The following CACNA2D3 variants were observed in gnomAD, a reference collection of about 807,000 sequenced individuals.
CACNA2D3 encodes the protein calcium voltage-gated channel auxiliary subunit alpha2delta 3, also known as voltage-dependent calcium channel subunit alpha-2/delta-3.
Under a neutral mutation model 160.6 loss-of-function variants are expected in CACNA2D3, and 60 were observed. The ratio of observed to expected loss-of-function variants is 0.37; its 90% CI spans 0.30 to 0.46. The LOEUF is 0.46. Ranked by LOEUF, CACNA2D3 falls within the 20% of genes least tolerant of loss-of-function variation. The pLI, the probability that CACNA2D3 is intolerant of heterozygous loss-of-function variation, is 1.00. For missense variants in CACNA2D3, 1,205 were observed against 1,365.0 expected (o/e 0.88, Z 1.85); for synonymous variants, 558 against 492.9 (o/e 1.13, Z -1.75).
chr3:54,555,202 G>A (rs1702224713), intron 5 of CACNA2D3, among the ~76,000 whole-genome samples: 1 of 152,100 alleles, frequency 6.6e-6, no homozygotes, highest in South Asian at 2.1e-4. Context: ...ATTTTCTAAT[G>A]AATGGAGTAA....
intron 35 of CACNA2D3, among the ~76,000 whole-genome samples, chr3:55,055,060 T>C (rs373510890): frequency 6.3e-4 from 96 of 152,202 alleles, no homozygotes; most frequent in African/African-American, 2.3e-3. Context: ...CTTTTAGAGT[T>C]TAAACAAGTC....
At chr3:54,535,504 G>T (rs1020799236) in intron 5 of CACNA2D3, among the ~76,000 whole-genome samples, 2 of 152,114 alleles carry the variant, frequency 1.3e-5, no homozygotes, top group African/African-American at 4.8e-5. Flanking sequence ...TTTGGACTTT[G>T]TGAGGATTCA....
chr3:54,952,485 T>C (rs1247320628), intron 27 of CACNA2D3, among the ~76,000 whole-genome samples: 2 of 152,200 alleles, frequency 1.3e-5, no homozygotes, highest in South Asian at 2.1e-4. Flanking sequence ...AAATAAAACA[T>C]GAGGCAAAAA....
At chr3:54,279,766 C>T (rs906860591) in intron 2 of CACNA2D3, among the ~76,000 whole-genome samples, 2 of 152,108 alleles carry the variant, frequency 1.3e-5, no homozygotes, top group Admixed American at 6.5e-5. Context: ...GTTCTCAAAA[C>T]GAGAATGGAG....
At chr3:54,679,529 T>C (rs939516190) in intron 11 of CACNA2D3, among the ~76,000 whole-genome samples, 2 of 152,178 alleles carry the variant, frequency 1.3e-5, no homozygotes, top group African/African-American at 2.4e-5. Context: ...GTTTTCCAGA[T>C]TGTGGTAGGC....
intron 3 of CACNA2D3, among the ~76,000 whole-genome samples, chr3:54,384,961 T>TC (rs1439109885): frequency 6.6e-6 from 1 of 152,148 alleles, no homozygotes; most frequent in Admixed American, 6.5e-5. Context: ...CCTCAGGTGA[T>TC]CTGCCCGCCT....
At chr3:54,298,715 G>T (rs1703397250) in intron 2 of CACNA2D3, among the ~76,000 whole-genome samples, 1 of 152,076 alleles carries the variant, frequency 6.6e-6, no homozygotes, top group African/African-American at 2.4e-5. Context: ...CTGAGGTGGG[G>T]GGAATTACCC....
chr3:54,790,112 G>C lies in CACNA2D3; in HGVS notation c.1380+25761G>C, dbSNP rs556418260. On this transcript the variant is annotated intron_variant, in intron 13 of 37. Transcript: ENST00000474759. ...TGTACTAGGGTAGTTAGGAACACAG[G>C]CCCTGGAGCCAGAGGACCCGGTTTC... Among the ~76,000 whole-genome samples the C allele has an allele frequency of 7.9e-5, 12 of 152,282 alleles. 1 individual carries two copies. In the South Asian group the frequency reaches 2.5e-3, roughly 32 times the overall value.
chr3:54,626,608 A>G, intron 9 of CACNA2D3: 1 of 1,429,178 alleles, frequency 7.0e-7, no homozygotes, highest in Non-Finnish European at 9.7e-7. Flanking sequence ...CGGGCCCGGC[A>G]TCGGGGCCAG....
At chr3:54,370,465 A>G (rs968280611) in intron 3 of CACNA2D3, among the ~76,000 whole-genome samples, 2 of 152,222 alleles carry the variant, frequency 1.3e-5, no homozygotes, top group Non-Finnish European at 2.9e-5. Context: ...AATCCAATCC[A>G]TATATAAGGA....
chr3:54,258,859 C>T (rs1405066844), intron 2 of CACNA2D3, among the ~76,000 whole-genome samples: 1 of 152,088 alleles, frequency 6.6e-6, no homozygotes. Context: ...GTTTAAAGCC[C>T]CAGACAGTGC....
chr3:54,369,553 G>A (rs1428490664), intron 3 of CACNA2D3, among the ~76,000 whole-genome samples: 2 of 152,140 alleles, frequency 1.3e-5, no homozygotes, highest in Admixed American at 6.5e-5. Flanking sequence ...CTTTTATTTA[G>A]GATGAATCTC....
intron 13 of CACNA2D3, among the ~76,000 whole-genome samples, chr3:54,788,410 A>G (rs1421769466): frequency 1.3e-5 from 2 of 152,128 alleles, no homozygotes; most frequent in East Asian, 3.9e-4. Flanking sequence ...GCACCCAGAC[A>G]CCTTAGAGCC....
intron 11 of CACNA2D3, among the ~76,000 whole-genome samples, chr3:54,714,899 C>T (rs1701023207): frequency 6.6e-6 from 1 of 152,166 alleles, no homozygotes; most frequent in South Asian, 2.1e-4. Flanking sequence ...AACTCAGTTT[C>T]TCTTATAATA....
chr3:54,766,084 C>A (rs1575465241), intron 13 of CACNA2D3, among the ~76,000 whole-genome samples: 1 of 152,130 alleles, frequency 6.6e-6, no homozygotes, highest in East Asian at 1.9e-4. Context: ...ACTGCAAAAT[C>A]TACAGGCAAT....
chr3:54,973,995 C>G (rs1702330232), intron 29 of CACNA2D3, among the ~76,000 whole-genome samples: 1 of 152,106 alleles, frequency 6.6e-6, no homozygotes, highest in African/African-American at 2.4e-5. Flanking sequence ...CTCTCCCTCT[C>G]TCCCCACAAA....
chr3:54,465,142 C>G (rs995056341), intron 4 of CACNA2D3, among the ~76,000 whole-genome samples: 1 of 151,630 alleles, frequency 6.6e-6, no homozygotes, highest in African/African-American at 2.4e-5. Flanking sequence ...CTGTCGTTAA[C>G]AAATTCAGTT....
intron 31 of CACNA2D3, among the ~76,000 whole-genome samples, chr3:54,997,956 G>A (rs1702895482): frequency 6.6e-6 from 1 of 152,086 alleles, no homozygotes; most frequent in African/African-American, 2.4e-5. Context: ...CAGTTTAAGT[G>A]TGCAGCTTTA....
At chr3:54,624,014 G>A (rs771494594) in intron 9 of CACNA2D3, among the ~76,000 whole-genome samples, 2 of 152,052 alleles carry the variant, frequency 1.3e-5, no homozygotes, top group Admixed American at 6.6e-5. Flanking sequence ...GTGTGGAGGA[G>A]GAGAAGAGGG....
Sources: allele counts gnomAD v4.1 joint callset (sites outside exome capture counted in the v4.1 genomes callset), GRCh38; gene constraint gnomAD v4.1.1; transcripts MANE v1.5; gene names NCBI Gene and HGNC (gene_info 2026-07-23, HGNC 2026-07-21).